The following KATNA1 variants were observed in gnomAD, a reference collection of about 807,000 sequenced individuals.
The protein encoded by KATNA1 is katanin p60 ATPase-containing subunit A1.
In KATNA1, 42 loss-of-function variants were observed where a neutral mutation model predicts 62.6. That is an observed-to-expected ratio of 0.67 (90% CI 0.52 to 0.87). The LOEUF (loss-of-function observed/expected upper bound fraction) is 0.87, where lower values mean the gene tolerates loss of function less well. Ranked by LOEUF, KATNA1 falls within the 40% of genes least tolerant of loss-of-function variation. The pLI is 0.00. For synonymous variants in KATNA1, 186 were observed against 201.9 expected (o/e 0.92, Z 0.67); for missense variants, 498 against 612.5 (o/e 0.81, Z 1.97).
chr6:149,601,285 CATATT>C (rs751123021), intron 7 of KATNA1, among the ~76,000 whole-genome samples: 13 of 152,144 alleles, frequency 8.5e-5, no homozygotes, highest in Non-Finnish European at 1.6e-4. Flanking sequence ...CTGTGGTTAT[CATATT>C]ATAACTAAAC....
chr6:149,611,766 A>G (rs931031424), intron 4 of KATNA1, among the ~76,000 whole-genome samples: 8 of 151,720 alleles, frequency 5.3e-5, no homozygotes, highest in Admixed American at 3.3e-4. Context: ...TTGGGAGGTC[A>G]AGGTGGGTGG....
intron 1 of KATNA1, among the ~76,000 whole-genome samples, chr6:149,643,234 G>C (rs1780357354): frequency 6.6e-6 from 1 of 152,212 alleles, no homozygotes; most frequent in Non-Finnish European, 1.5e-5. Flanking sequence ...GAGATCAGAA[G>C]TGAATCTTTC....
intron 8 of KATNA1, among the ~76,000 whole-genome samples, chr6:149,597,888 C>T (rs1375767922): frequency 6.6e-6 from 1 of 152,132 alleles, no homozygotes; most frequent in East Asian, 1.9e-4. Context: ...AAATACATAA[C>T]AATTTTAAAT....
chr6:149,630,019 T>TTA (rs1270683763), intron 3 of KATNA1, among the ~76,000 whole-genome samples: 13 of 152,312 alleles, frequency 8.5e-5, no homozygotes, highest in African/African-American at 3.1e-4. Context: ...TTGTTGACTA[T>TTA]TATTAGGATT....
intron 7 of KATNA1, among the ~76,000 whole-genome samples, chr6:149,599,478 G>A (rs1345887407): frequency 6.6e-6 from 1 of 152,072 alleles, no homozygotes; most frequent in Non-Finnish European, 1.5e-5. Context: ...TACGGTAGAG[G>A]ACACCAATTG....
intron 2 of KATNA1, among the ~76,000 whole-genome samples, chr6:149,633,322 T>C (rs1264008805): frequency 6.6e-6 from 1 of 152,060 alleles, no homozygotes; most frequent in Non-Finnish European, 1.5e-5. Context: ...TTAGCCAGGA[T>C]GGTCTTGATC....
chr6:149,620,774 T>C (rs1310130583), intron 4 of KATNA1, among the ~76,000 whole-genome samples: 5 of 152,290 alleles, frequency 3.3e-5, no homozygotes, highest in Admixed American at 1.3e-4. Context: ...CCCATAAATA[T>C]GTATGATTAT....
intron 1 of KATNA1, among the ~76,000 whole-genome samples, chr6:149,645,974 T>A (rs1310428540): frequency 6.6e-6 from 1 of 152,100 alleles, no homozygotes; most frequent in African/African-American, 2.4e-5. Context: ...AAGATTCTTA[T>A]TCTCTCTCTA....
In KATNA1 at chr6:149,623,117, C is replaced by A. The variant is rs979473018; in HGVS notation, c.487G>T (p.Gly163Ter). 1.9e-6 allele frequency: 3 copies of A among 1,596,504 alleles called. No homozygotes were observed. Among genetic ancestry groups the A allele is most frequent in the African/African-American group, 2.7e-5 (2 of 73,994 alleles). Residue 163 changes from glycine (G) to a stop codon, truncating the protein, a stop_gained, in exon 4 of 11, where the codon GGA becomes TGA. Transcript: ENST00000367411. LOFTEE classifies it high-confidence loss of function. ...RCREKKEQNKGREEKNKSPAA... is the reference protein window; with the variant it reads ...RCREKKEQNK ...TTAACATTTACCTTTTCCTCTCTTC[C>A]TTTATTCTGTTCTTTCTTTTCACGA...
intron 7 of KATNA1, among the ~76,000 whole-genome samples, chr6:149,600,236 T>A (rs1359438217): frequency 7.1e-6 from 1 of 140,046 alleles, no homozygotes; most frequent in Non-Finnish European, 1.5e-5. Context: ...ACACAATGGC[T>A]CTTGCCTGTA....
chr6:149,615,692 G>A (rs924110558), intron 4 of KATNA1, among the ~76,000 whole-genome samples: 2 of 152,044 alleles, frequency 1.3e-5, no homozygotes, highest in African/African-American at 2.4e-5. Flanking sequence ...GGGTAGGGGC[G>A]CGGATCACTG....
intron 4 of KATNA1, among the ~76,000 whole-genome samples, chr6:149,605,490 C>A (rs1163778731): frequency 6.6e-6 from 1 of 152,082 alleles, no homozygotes; most frequent in Non-Finnish European, 1.5e-5. Context: ...AAAAATATCC[C>A]TTTTCATTAT....
At chr6:149,626,939 A>T (rs2114589262) in intron 3 of KATNA1, among the ~76,000 whole-genome samples, 1 of 151,950 alleles carries the variant, frequency 6.6e-6, no homozygotes, top group East Asian at 1.9e-4. Flanking sequence ...AGCTGAGGTC[A>T]TGCCACTGCA....
chr6:149,607,625 C>T (rs1032686538), intron 4 of KATNA1, among the ~76,000 whole-genome samples: 1 of 151,968 alleles, frequency 6.6e-6, no homozygotes. Context: ...TAAAAACAAA[C>T]AATAACTTGT....
intron 4 of KATNA1, among the ~76,000 whole-genome samples, chr6:149,621,016 T>C (rs1259706373): frequency 6.6e-6 from 1 of 152,062 alleles, no homozygotes; most frequent in Non-Finnish European, 1.5e-5. Context: ...CACAAATTAT[T>C]ACAAGGGTCA....
rs749585591 is a variant in KATNA1 at position 149,595,251 on chromosome 6, AAAC to A, written c.1278-20_1278-18del. 70 of 1,599,008 alleles carry A rather than the reference AAAC, an allele frequency of 4.4e-5. No homozygotes were observed. Among genetic ancestry groups the A allele is most frequent in the Middle Eastern group, 1.7e-4 (1 of 6,018 alleles). On this transcript the variant is annotated intron_variant, in intron 10 of 10. Coordinates refer to ENST00000367411, the MANE Select transcript of KATNA1 (RefSeq NM_007044.4). ...GACGCATCCCTAGGTTTTAAGTTAA[AAAC>A]AACAACAACACACACAATGTTACTT...
intron 2 of KATNA1, among the ~76,000 whole-genome samples, chr6:149,636,451 C>A (rs1780067191): frequency 7.6e-6 from 1 of 131,676 alleles, no homozygotes; most frequent in South Asian, 2.4e-4. Context: ...AAATAGTTGC[C>A]CTTTCTGGTA....
intron 1 of KATNA1, among the ~76,000 whole-genome samples, chr6:149,645,954 T>G (rs1325715645): frequency 6.6e-6 from 1 of 152,054 alleles, no homozygotes; most frequent in Non-Finnish European, 1.5e-5. Flanking sequence ...TATTGAAATA[T>G]CTGAGTTCTA....
chr6:149,625,928 C>T (rs1281745778), intron 3 of KATNA1, among the ~76,000 whole-genome samples: 1 of 115,704 alleles, frequency 8.6e-6, no homozygotes, highest in East Asian at 5.0e-4. Context: ...AGCGAGACTC[C>T]ATCTCAAAAA....
Sources: allele counts gnomAD v4.1 joint callset (sites outside exome capture counted in the v4.1 genomes callset), GRCh38; gene constraint gnomAD v4.1.1; transcripts MANE v1.5; gene names NCBI Gene and HGNC (gene_info 2026-07-23, HGNC 2026-07-21).